Variants in RCAN2 observed in about 807,000 individuals in gnomAD.
RCAN2 encodes regulator of calcineurin 2, also known as calcipressin-2.
Under a neutral mutation model 23.6 loss-of-function variants are expected in RCAN2, and 9 were observed. The ratio of observed to expected loss-of-function variants is 0.38; its 90% CI spans 0.23 to 0.67. RCAN2 has a LOEUF of 0.67. Among genes scored for constraint, RCAN2 ranks in the 30% least tolerant of loss-of-function variants. The pLI, the probability that RCAN2 is intolerant of heterozygous loss-of-function variation, is 0.51. For missense variants in RCAN2, 273 were observed against 302.3 expected (o/e 0.90, Z 0.72); for synonymous variants, 109 against 115.7 (o/e 0.94, Z 0.37).
At chr6:46,435,847 A>C (rs894631965) in intron 2 of RCAN2, among the ~76,000 whole-genome samples, 10 of 152,248 alleles carry the variant, frequency 6.6e-5, no homozygotes, top group Admixed American at 3.3e-4. Context: ...AGGCATATGA[A>C]TGGAATTGCC....
rs1582194396 is a variant in RCAN2 at position 46,429,019 on chromosome 6, G to A, written c.225+27733C>T. On this transcript the variant is annotated intron_variant, in intron 2 of 4. Coordinates refer to ENST00000371374, the MANE Select transcript of RCAN2 (RefSeq NM_001251974.2). Reference sequence around the variant, plus strand: ...TAAAAGGTAGATGACCTCAGCCTCAGAGATAATATCAGGTAATCAATTAAG... The same window carrying A: ...TAAAAGGTAGATGACCTCAGCCTCAAAGATAATATCAGGTAATCAATTAAG... Among the ~76,000 whole-genome samples, 4 of 152,286 alleles carry A rather than the reference G, an allele frequency of 2.6e-5. No individual in the cohort carries two copies. The South Asian group carries it at 8.3e-4, about 32-fold the overall frequency.
intron 2 of RCAN2, among the ~76,000 whole-genome samples, chr6:46,386,194 C>G (rs572387927): frequency 6.6e-6 from 1 of 151,996 alleles, no homozygotes; most frequent in Non-Finnish European, 1.5e-5. Context: ...AACACCCCAT[C>G]AAAAAGTGGA....
chr6:46,476,222 C>A (rs540152794), intron 1 of RCAN2, among the ~76,000 whole-genome samples: 1 of 152,110 alleles, frequency 6.6e-6, no homozygotes, highest in Non-Finnish European at 1.5e-5. Flanking sequence ...AGAATCAGAA[C>A]GAGAATGAAG....
At chr6:46,303,316 G>C (rs1175417015) in intron 2 of RCAN2, among the ~76,000 whole-genome samples, 2 of 152,032 alleles carry the variant, frequency 1.3e-5, no homozygotes, top group South Asian at 4.1e-4. Context: ...ATCCTCAGCA[G>C]TCAGCCATTT....
intron 2 of RCAN2, among the ~76,000 whole-genome samples, chr6:46,362,786 T>A (rs920444488): frequency 6.6e-6 from 1 of 152,144 alleles, no homozygotes; most frequent in Non-Finnish European, 1.5e-5. Context: ...TCATTGTTGA[T>A]GGAAAAATAC....
intron 2 of RCAN2, among the ~76,000 whole-genome samples, chr6:46,349,280 A>G (rs1423966594): frequency 6.6e-6 from 1 of 152,156 alleles, no homozygotes; most frequent in Non-Finnish European, 1.5e-5. Context: ...AAAGACATTC[A>G]CAGATAACAC....
At chr6:46,455,037 GATATTTAGAGAA>G (rs1213936059) in intron 2 of RCAN2, among the ~76,000 whole-genome samples, 1 of 152,194 alleles carries the variant, frequency 6.6e-6, no homozygotes, top group Non-Finnish European at 1.5e-5. Context: ...TTCTAATTGT[GATATTTAGAGAA>G]ATGGATGATA....
At chr6:46,256,717 C>A (rs748633661) in intron 2 of RCAN2, among the ~76,000 whole-genome samples, 4 of 151,818 alleles carry the variant, frequency 2.6e-5, no homozygotes, top group Non-Finnish European at 5.9e-5. Flanking sequence ...TAAAAAGACT[C>A]AAACATGGCT....
chr6:46,340,781 A>T (rs1000421286), intron 2 of RCAN2, among the ~76,000 whole-genome samples: 1 of 152,244 alleles, frequency 6.6e-6, no homozygotes, highest in Non-Finnish European at 1.5e-5. Flanking sequence ...TGTGTGTTGA[A>T]GTGTATTGCT....
At chr6:46,386,610 C>CAAAAAA (rs142110760) in intron 2 of RCAN2, among the ~76,000 whole-genome samples, 17 of 91,176 alleles carry the variant, frequency 1.9e-4, no homozygotes, top group Non-Finnish European at 2.3e-4. Flanking sequence ...CTCTGTCTCA[C>CAAAAAA]AAAAAAAAAA....
At chr6:46,397,733 T>C (rs1186406414) in intron 2 of RCAN2, among the ~76,000 whole-genome samples, 2 of 152,184 alleles carry the variant, frequency 1.3e-5, no homozygotes, top group Non-Finnish European at 2.9e-5. Flanking sequence ...CATCCCAAAG[T>C]AGTCTATAAT....
intron 2 of RCAN2, among the ~76,000 whole-genome samples, chr6:46,444,426 T>C (rs556711244): frequency 5.3e-5 from 8 of 152,312 alleles, no homozygotes; most frequent in African/African-American, 1.9e-4. Context: ...ATGCTCATCC[T>C]AGCTTGAGTA....
At chr6:46,460,528 C>A (rs750189674) in intron 1 of RCAN2, among the ~76,000 whole-genome samples, 1 of 152,228 alleles carries the variant, frequency 6.6e-6, no homozygotes, top group Non-Finnish European at 1.5e-5. Flanking sequence ...TCCGGGAGGG[C>A]TTCCCAACCT....
chr6:46,474,927 A>C (rs557722299), intron 1 of RCAN2, among the ~76,000 whole-genome samples: 1 of 152,294 alleles, frequency 6.6e-6, no homozygotes, highest in South Asian at 2.1e-4. Flanking sequence ...CTAGGTGAAC[A>C]TTGTCTTACT....
chr6:46,310,540 T>TA (rs34356554), intron 2 of RCAN2, among the ~76,000 whole-genome samples: 2 of 146,558 alleles, frequency 1.4e-5, no homozygotes, highest in Non-Finnish European at 2.9e-5. Context: ...AATATTTGTT[T>TA]AAAAAAAAGA....
intron 2 of RCAN2, among the ~76,000 whole-genome samples, chr6:46,298,920 T>C (rs1762816920): frequency 6.6e-6 from 1 of 152,116 alleles, no homozygotes. Context: ...TGGAATACTA[T>C]GCAGCCATAA....
At chr6:46,229,225 G>A (rs188149308) in intron 4 of RCAN2, among the ~76,000 whole-genome samples, 116 of 152,174 alleles carry the variant, frequency 7.6e-4, no homozygotes, top group African/African-American at 2.6e-3. Flanking sequence ...TTTCAACTTT[G>A]GAGAATCTGA....
intron 2 of RCAN2, among the ~76,000 whole-genome samples, chr6:46,395,692 T>C (rs980005050): frequency 1.3e-5 from 2 of 152,214 alleles, no homozygotes; most frequent in African/African-American, 4.8e-5. Context: ...GCTAACAGGG[T>C]TGGCTCATGT....
chr6:46,223,548 AC>A (rs1765551916), intron 4 of RCAN2, among the ~76,000 whole-genome samples: 1 of 152,110 alleles, frequency 6.6e-6, no homozygotes, highest in Non-Finnish European at 1.5e-5. Flanking sequence ...CACATCCTTT[AC>A]CGTAAATTTC....
Sources: allele counts gnomAD v4.1 joint callset (sites outside exome capture counted in the v4.1 genomes callset), GRCh38; gene constraint gnomAD v4.1.1; transcripts MANE v1.5; gene names NCBI Gene and HGNC (gene_info 2026-07-23, HGNC 2026-07-21).